ZNF791: variants seen among roughly 807,000 people sequenced by gnomAD.
ZNF791 encodes zinc finger protein 791.
A neutral mutation model predicts 11.5 loss-of-function variants in ZNF791; 4 were observed. That is an observed-to-expected ratio of 0.35 (90% CI 0.17 to 0.80). ZNF791 has a LOEUF of 0.80. Ranked by LOEUF, ZNF791 falls within the 30% of genes least tolerant of loss-of-function variation. The pLI is 0.53. For synonymous variants in ZNF791, 212 were observed against 228.1 expected (o/e 0.93, Z 0.64); for missense variants, 559 against 699.4 (o/e 0.80, Z 2.26).
At position 12,631,965 on chromosome 19, in the gene ZNF791, A is replaced by G. The variant is rs954515975; in HGVS notation, c.*2705A>G. 3 of 141,264 alleles carry G rather than the reference A, an allele frequency of 2.1e-5. No homozygotes were observed. The highest frequency in any genetic ancestry group is 1.4e-4 in the Admixed American group (2 of 13,870). The allele number at this position is 141,264 out of a possible 1,614,324, so 8.8% of individuals were successfully genotyped here. ...TTGATTCATGAGTAAACTGAAGTGT[A>G]TTTTTTTTTTTTCGAGACGGAGTCT... On this transcript the variant is annotated 3_prime_UTR_variant, in exon 4 of 4. Coordinates refer to ENST00000343325, the MANE Select transcript of ZNF791 (RefSeq NM_153358.3).
Position 12,625,784 on chromosome 19 carries a change from C to CAA in ZNF791, c.191+1088_191+1089dup, listed in dbSNP as rs781019678. On this transcript the variant is annotated intron_variant, in intron 3 of 3. Transcript: ENST00000343325. ...TGGGCGACAGAGTGAGACTCCATCT[C>CAA]AAAAAAAAAAAAAAAGAAGAAGAAG... Among the ~76,000 whole-genome samples, 226 of 81,838 alleles carry CAA rather than the reference C, an allele frequency of 2.8e-3. 2 individuals are homozygous for CAA. Among genetic ancestry groups the CAA allele is most frequent in the Admixed American group, 0.026 (203 of 7,750 alleles). The allele number at this position is 81,838 out of a possible 152,430, so 53.7% of individuals were successfully genotyped here.
At chr19:12,626,424 C>G (rs1449927898) in intron 3 of ZNF791, among the ~76,000 whole-genome samples, 3 of 151,286 alleles carry the variant, frequency 2.0e-5, no homozygotes, top group East Asian at 3.9e-4. Context: ...GCTGGGATTA[C>G]AGGGGTGAGC....
chr19:12,622,910 AG>A (rs1271766842), intron 1 of ZNF791, among the ~76,000 whole-genome samples: 12 of 95,434 alleles, frequency 1.3e-4, no homozygotes, highest in African/African-American at 4.2e-4. Flanking sequence ...AAAAAAAAAA[AG>A]AAAGAAAAAA....
intron 3 of ZNF791, 36 bp from the exon 4 acceptor site, chr19:12,627,685 C>A: frequency 6.6e-7 from 1 of 1,512,886 alleles, no homozygotes; most frequent in Non-Finnish European, 9.0e-7. Context: ...ATCATTAATA[C>A]ACAACCAGTA....
Position 12,628,890 on chromosome 19 carries a change from C to A in ZNF791, c.1361C>A (p.Ala454Glu). The change falls in exon 4 of 4, where the codon GCG becomes GAG. Residue 454 changes from alanine to glutamate, a missense_variant. By Grantham distance (107) the Ala-to-Glu change is moderately radical. Coordinates refer to ENST00000343325, the MANE Select transcript of ZNF791 (RefSeq NM_153358.3). ...DCGKVFIFPS[A>E]LRTHERTHTG... is the part of the protein sequence containing the mutation. ...GGGAAGGTGTTCATTTTTCCTAGTGCGTTACGAACACATGAAAGAACTCAC... is the reference window on the plus strand; with the variant it reads ...GGGAAGGTGTTCATTTTTCCTAGTGAGTTACGAACACATGAAAGAACTCAC... 6.2e-7 allele frequency: 1 copy of A among 1,606,284 alleles called. No individual in the cohort carries two copies. Among genetic ancestry groups the A allele is most frequent in the Non-Finnish European group, 8.5e-7 (1 of 1,177,176 alleles).
intron 1 of ZNF791, among the ~76,000 whole-genome samples, chr19:12,612,018 A>G (rs766519874): frequency 2.6e-5 from 4 of 152,166 alleles, no homozygotes; most frequent in Admixed American, 6.6e-5. Flanking sequence ...CCAATATTAC[A>G]TTTGTTAAAA....
intron 1 of ZNF791, among the ~76,000 whole-genome samples, chr19:12,613,026 A>G (rs982516829): frequency 1.3e-5 from 2 of 151,864 alleles, no homozygotes; most frequent in Non-Finnish European, 2.9e-5. Flanking sequence ...TCTGTAAGGT[A>G]GGTACACTGA....
At position 12,629,129 on chromosome 19, in the gene ZNF791, A is replaced by T; in HGVS notation, c.1600A>T (p.Ser534Cys). Residue 534 changes from serine to cysteine, a missense_variant, in exon 4 of 4, where the codon AGT becomes TGT. Physicochemically the swap from Ser to Cys is moderately radical, Grantham distance 112. Transcript: ENST00000343325. The part of the protein sequence containing the change: ...YKCKECGKAF[S>C]LHSSFQRHTR... ...ATGTAAAGAATGTGGGAAGGCCTTT[A>T]GTCTTCACAGTTCCTTTCAAAGACA... 2 of 1,605,926 alleles carry T rather than the reference A, an allele frequency of 1.2e-6. No homozygotes were observed. Among genetic ancestry groups the T allele is most frequent in the Non-Finnish European group, 1.7e-6 (2 of 1,177,000 alleles).
chr19:12,624,608 T>C, intron 2 of ZNF791, 42 bp from the exon 3 acceptor site: 1 of 1,425,996 alleles, frequency 7.0e-7, no homozygotes, highest in Non-Finnish European at 9.6e-7. Flanking sequence ...ATTTGTATAA[T>C]TTTTAATAAT....
At chr19:12,615,984 G>A (rs764203724) in intron 1 of ZNF791, among the ~76,000 whole-genome samples, 22 of 152,230 alleles carry the variant, frequency 1.4e-4, no homozygotes, top group Admixed American at 2.0e-4. Context: ...GTAAGAGGAC[G>A]TTTTGTTTTG....
chr19:12,629,041 CTTTA>C lies in ZNF791; in HGVS notation c.1518_1521del (p.Tyr507ProfsTer8), dbSNP rs757203871. ...ATGAATGTAAGGAATGCGGGAAGGC[CTTTA>C]TTTATCCCACAAGCTTTCAAGGACA... On this transcript the variant is annotated frameshift_variant, in exon 4 of 4. Transcript: ENST00000343325. LOFTEE classifies it low-confidence loss of function (END_TRUNC). 5.6e-6 allele frequency: 9 copies of C among 1,611,824 alleles called. No individual in the cohort carries two copies. The highest frequency in any genetic ancestry group is 1.7e-5 in the Admixed American group (1 of 59,432).
In ZNF791 at chr19:12,624,715, G is replaced by A; in HGVS notation, c.191+5G>A. On this transcript the variant is annotated splice_donor_5th_base_variant and intron_variant, in intron 3 of 3. Transcript: ENST00000343325. The stretch of plus-strand genomic sequence containing the variant: ...AAACCAAGGACGAAATCTAAGGTGA[G>A]TTGCACTCACAAGAAGTAACAGTGT... 6.2e-7 allele frequency: 1 copy of A among 1,602,654 alleles called. No homozygotes were observed. Among genetic ancestry groups the A allele is most frequent in the Non-Finnish European group, 8.5e-7 (1 of 1,174,112 alleles).
At chr19:12,620,741 G>C (rs1187896951) in intron 1 of ZNF791, among the ~76,000 whole-genome samples, 1 of 146,854 alleles carries the variant, frequency 6.8e-6, no homozygotes, top group East Asian at 1.9e-4. Flanking sequence ...ACTGGAGAAA[G>C]GGGATTTATG....
rs756185564 is a variant in ZNF791, at chr19:12,628,187, C to G, written c.658C>G (p.Gln220Glu). The G allele has an allele frequency of 6.2e-7, 1 of 1,613,858 alleles. No individual in the cohort carries two copies. The highest frequency in any genetic ancestry group is 1.3e-5 in the African/African-American group (1 of 74,878). The change falls in exon 4 of 4, where the codon CAA (glutamine) becomes GAA (glutamate). Residue 220 changes from glutamine to glutamate, a missense_variant. Coordinates refer to ENST00000343325, the MANE Select transcript of ZNF791 (RefSeq NM_153358.3). The part of the protein sequence containing the change: ...HTGEKPYECK[Q>E]CGKAFSCSSS... ...TGGAGAAAAGCCCTATGAATGTAAA[C>G]AATGTGGGAAAGCCTTCAGTTGTTC...
rs1351739536 is a variant in ZNF791 at position 12,622,224 on chromosome 19, G to C, written c.4-1476G>C. Among the ~76,000 whole-genome samples the C allele has an allele frequency of 2.2e-5, 3 of 138,760 alleles. No individual in the cohort carries two copies. In the East Asian group the frequency reaches 5.9e-4, roughly 27 times the overall value. The allele number at this position is 138,760 out of a possible 152,430, so 91.0% of individuals were successfully genotyped here. On this transcript the variant is annotated intron_variant, in intron 1 of 3. Transcript: ENST00000343325. ...AGGGACACAAACACTGCGGAAGGCC[G>C]CAGGGTCCTCTGCCTAGGAAAACCA...
chr19:12,616,608 G>A (rs945840449), intron 1 of ZNF791, among the ~76,000 whole-genome samples: 6 of 152,052 alleles, frequency 3.9e-5, no homozygotes, highest in African/African-American at 9.7e-5. Context: ...CATGAGAATC[G>A]CTTGAGCCTA....
intron 1 of ZNF791, among the ~76,000 whole-genome samples, chr19:12,614,912 T>TTTTTTTTG (rs2023220922): frequency 7.2e-6 from 1 of 138,036 alleles, no homozygotes; most frequent in Non-Finnish European, 1.5e-5. Flanking sequence ...TTTTTTTTTT[T>TTTTTTTTG]TTTTTTTTTT....
chr19:12,620,754 CTTTTTTTTT>C (rs1051381342), intron 1 of ZNF791, among the ~76,000 whole-genome samples: 12 of 83,452 alleles, frequency 1.4e-4, no homozygotes, highest in African/African-American at 2.1e-4. Context: ...GATTTATGTT[CTTTTTTTTT>C]TTTTTTTTTT....
chr19:12,613,432 T>A (rs989294079), intron 1 of ZNF791, among the ~76,000 whole-genome samples: 6 of 151,904 alleles, frequency 3.9e-5, no homozygotes, highest in African/African-American at 1.4e-4. Context: ...ATACAAAAAA[T>A]TAGCTGGGCG....
Sources: gnomAD v4.1 joint callset for allele counts (sites outside exome capture counted in the v4.1 genomes callset) on GRCh38, gnomAD v4.1.1 for gene constraint, MANE v1.5 for transcripts, NCBI Gene and HGNC (gene_info 2026-07-23, HGNC 2026-07-21) for gene names.